ABCB4: variants seen among roughly 807,000 people sequenced by gnomAD.
ABCB4 encodes the protein phosphatidylcholine translocator ABCB4.
Under a neutral mutation model 145.7 loss-of-function variants are expected in ABCB4, and 76 were observed. The observed-to-expected ratio is 0.52, with a 90% CI of 0.43 to 0.63. The LOEUF is 0.63. ABCB4 is among the 30% of genes least tolerant of loss of function. The pLI is 0.00. For missense variants in ABCB4, 1,234 were observed against 1,553.1 expected, an observed-to-expected ratio of 0.79 and a Z score of 3.45; for synonymous variants, 517 against 566.8, an observed-to-expected ratio of 0.91 and a Z score of 1.25.
chr7:87,391,018 A>G, the ABCB4 span, among the ~76,000 whole-genome samples: 8 of 152,172 alleles, frequency 5.3e-5, no homozygotes, highest in Non-Finnish European at 1.0e-4. Flanking sequence ...GGCTGTTTTC[A>G]TCTGCTCTCC....
chr7:87,474,908 G>A (rs1449610333), intron 2 of ABCB4, among the ~76,000 whole-genome samples: 1 of 152,146 alleles, frequency 6.6e-6, no homozygotes, highest in Admixed American at 6.5e-5. Context: ...GGAGGGGGAG[G>A]GGTAAGACAA....
intron 6 of ABCB4, 44 bp from the exon 7 acceptor site, chr7:87,451,838 G>A (rs375758922): frequency 6.3e-7 from 1 of 1,591,912 alleles, no homozygotes; most frequent in African/African-American, 1.3e-5. Flanking sequence ...GGAGGTTTCA[G>A]TTAGAAAGAT....
intron 3 of ABCB4, among the ~76,000 whole-genome samples, chr7:87,469,354 G>T (rs543342994): frequency 1.3e-5 from 2 of 152,286 alleles, no homozygotes; most frequent in South Asian, 4.1e-4. Flanking sequence ...TCAACATAGT[G>T]TTGGAAGTTC....
At chr7:87,436,050 T>C (rs997439446) in intron 14 of ABCB4, among the ~76,000 whole-genome samples, 1 of 152,168 alleles carries the variant, frequency 6.6e-6, no homozygotes, top group African/African-American at 2.4e-5. Context: ...GCTGAGGAGA[T>C]TTCAGACATC....
intron 10 of ABCB4, among the ~76,000 whole-genome samples, chr7:87,444,178 T>C (rs1208330541): frequency 6.6e-6 from 1 of 152,166 alleles, no homozygotes; most frequent in East Asian, 1.9e-4. Context: ...ATAAATGTAA[T>C]AGATTGAATT....
chr7:87,366,370 C>T, the ABCB4 span, among the ~76,000 whole-genome samples: 1 of 152,094 alleles, frequency 6.6e-6, no homozygotes, highest in East Asian at 1.9e-4. Context: ...AAAAAAAATG[C>T]CTTCAGGTTA....
the ABCB4 span, among the ~76,000 whole-genome samples, chr7:87,381,086 C>T: frequency 6.6e-6 from 1 of 152,122 alleles, no homozygotes; most frequent in East Asian, 1.9e-4. Flanking sequence ...ATTTAAGACA[C>T]CTAATTACTC....
the ABCB4 span, among the ~76,000 whole-genome samples, chr7:87,387,831 A>T: frequency 2.0e-5 from 3 of 152,276 alleles, no homozygotes; most frequent in African/African-American, 7.2e-5. Flanking sequence ...GCATGCCTGT[A>T]ATTCCAGCTA....
chr7:87,468,510 G>A (rs1218231736), intron 3 of ABCB4, among the ~76,000 whole-genome samples: 1 of 152,180 alleles, frequency 6.6e-6, no homozygotes, highest in Non-Finnish European at 1.5e-5. Flanking sequence ...TAGAAAAAGA[G>A]GGAATCCTCC....
At chr7:87,369,423 C>G in the ABCB4 span, 15 of 1,613,056 alleles carry the variant, frequency 9.3e-6, no homozygotes, top group Non-Finnish European at 1.2e-5. Context: ...GTGTCGAGGC[C>G]GAGCTTTTGT....
chr7:87,444,910 A>T lies in ABCB4; in HGVS notation c.1071T>A (p.Phe357Leu). 6.2e-7 allele frequency: 1 copy of T among 1,609,202 alleles called. No homozygotes were observed. The highest frequency in any genetic ancestry group is 8.5e-7 in the Non-Finnish European group (1 of 1,179,586). Reference protein sequence around the residue: ...VGQAAPCIDAFANARGAAYVI... With the variant: ...VGQAAPCIDALANARGAAYVI... ...CATATGCTGCTCCTCTTGCATTGGC[A>T]AAAGCATCAATACATGGGGCAGCCT... Residue 357 changes from phenylalanine to leucine, a missense_variant, in exon 10 of 28, where the codon TTT becomes TTA. Coordinates refer to ENST00000649586, the MANE Select transcript of ABCB4 (RefSeq NM_000443.4).
At chr7:87,475,302 G>A (rs1813722747) in intron 2 of ABCB4, 84 bp downstream of exon 2, 1 of 1,553,626 alleles carries the variant, frequency 6.4e-7, no homozygotes, top group Admixed American at 1.7e-5. Context: ...GGCATCAACC[G>A]ATTTTTACAA....
At chr7:87,440,815 A>C (rs1024171488) in intron 12 of ABCB4, among the ~76,000 whole-genome samples, 1 of 151,950 alleles carries the variant, frequency 6.6e-6, no homozygotes, top group Non-Finnish European at 1.5e-5. Context: ...ATCTCCACTC[A>C]CTGCAAGCTC....
chr7:87,393,888 T>C, the ABCB4 span, among the ~76,000 whole-genome samples: 275 of 152,276 alleles, frequency 1.8e-3, 2 homozygotes, highest in African/African-American at 6.3e-3. Context: ...GAAAATTTTT[T>C]GGAGATTGAG....
chr7:87,397,856 C>T (rs1562941833), downstream of ABCB4, among the ~76,000 whole-genome samples: 1 of 152,126 alleles, frequency 6.6e-6, no homozygotes, highest in South Asian at 2.1e-4. Flanking sequence ...TTACATTGCA[C>T]ATTTTAATTT....
Position 87,450,040 on chromosome 7 carries a change from G to A in ABCB4, c.761C>T (p.Ala254Val). 1.2e-6 allele frequency: 2 copies of A among 1,614,148 alleles called. No homozygotes were observed. The highest frequency in any genetic ancestry group is 1.7e-6 in the Non-Finnish European group (2 of 1,180,014). The change falls in exon 8 of 28, where the codon GCC (alanine) becomes GTC (valine). Residue 254 changes from alanine to valine, a missense_variant. Physicochemically the swap from Ala to Val is moderately conservative, Grantham distance 64 (BLOSUM62 0). Around this residue, in one of 7 missense-constraint regions of ABCB4, gnomAD observed 467 missense variants for 632.8 expected, o/e 0.74. Transcript: ENST00000649586. ...GGCCCCCAGAGCCTCTTCTGCCACG[G>A]CGCCTGCTTTTGCATAAGCAGCTAG... ...KELAAYAKAGAVAEEALGAIR... is the reference protein window; with the variant it reads ...KELAAYAKAGVVAEEALGAIR...
In ABCB4 at chr7:87,439,711, A is replaced by G. The variant is rs370315075; in HGVS notation, c.1687T>C (p.Leu563=). The change falls in exon 14 of 28, where the codon TTG becomes CTG. Residue 563 remains leucine (L), a synonymous_variant. Transcript: ENST00000649586. The part of the protein sequence containing the change: ...ILLLDEATSA[L]DTESEAEVQA... ...ACCTCAGCTTCACTTTCTGTGTCCA[A>G]TGCTGACGTGGCCTCATCCAGCAGA... 7.1e-5 allele frequency: 114 copies of G among 1,613,966 alleles called. No homozygotes were observed. The highest frequency in any genetic ancestry group is 8.7e-5 in the Non-Finnish European group (103 of 1,180,016).
At chr7:87,443,918 T>C (rs1283937726) in intron 10 of ABCB4, 145 bp from the exon 11 acceptor site, 4 of 685,764 alleles carry the variant, frequency 5.8e-6, no homozygotes, top group Non-Finnish European at 1.1e-5. Context: ...GAAGATTGTG[T>C]GTATATGTAT....
intron 16 of ABCB4, 115 bp downstream of exon 16, chr7:87,426,635 T>C: frequency 9.6e-7 from 1 of 1,042,348 alleles, no homozygotes; most frequent in South Asian, 1.4e-5. Context: ...TTACAAAGAG[T>C]ATGGCTCATA....
Sources: allele counts gnomAD v4.1 joint callset (sites outside exome capture counted in the v4.1 genomes callset), GRCh38; gene constraint gnomAD v4.1.1; regional missense constraint gnomAD v4.1.1; transcripts MANE v1.5; gene names NCBI Gene and HGNC (gene_info 2026-07-23, HGNC 2026-07-21).